The following EIF2S1 variants were observed in gnomAD, a reference collection of about 807,000 sequenced individuals.
EIF2S1 encodes the protein eukaryotic translation initiation factor 2 subunit alpha.
In EIF2S1, 5 loss-of-function variants were observed where a neutral mutation model predicts 33.5. The ratio of observed to expected loss-of-function variants is 0.15; its 90% CI spans 0.08 to 0.31. The LOEUF is 0.31. Among genes scored for constraint, EIF2S1 ranks in the 10% least tolerant of loss-of-function variants. The probability of loss-of-function intolerance (pLI) is 1.00; values close to 1 mark genes in which losing one functional copy is unlikely to be tolerated. For missense variants in EIF2S1, 191 were observed against 384.6 expected (o/e 0.50, Z 4.21); for synonymous variants, 99 against 127.5 (o/e 0.78, Z 1.51).
intron 2 of EIF2S1, among the ~76,000 whole-genome samples, chr14:67,373,067 A>T (rs1216413212): frequency 6.6e-6 from 1 of 152,210 alleles, no homozygotes; most frequent in African/African-American, 2.4e-5. Flanking sequence ...GAGCAGTTCT[A>T]ACTGCTCCAC....
rs901197668 is a variant in EIF2S1 at position 67,360,354 on chromosome 14, C to A, written c.-104C>A. The A allele has an allele frequency of 2.5e-6, 1 of 397,100 alleles. No individual in the cohort carries two copies. The highest frequency in any genetic ancestry group is 4.4e-6 in the Non-Finnish European group (1 of 225,410). The allele number at this position is 397,100 out of a possible 1,614,324, so 24.6% of individuals were successfully genotyped here. A position where few individuals can be genotyped will look rare whatever the true frequency, so the allele number is the denominator to read the frequency against. On this transcript the variant is annotated 5_prime_UTR_variant, in exon 1 of 8. Transcript: ENST00000256383. Reference sequence around the variant, plus strand: ...TGCGCGGTGGAGTGAGCGAAGCGCACGCTGAGGAGGATCGGCGGCCGGTGA... The same window carrying A: ...TGCGCGGTGGAGTGAGCGAAGCGCAAGCTGAGGAGGATCGGCGGCCGGTGA...
At chr14:67,373,529 C>G (rs1353067397) in intron 2 of EIF2S1, among the ~76,000 whole-genome samples, 1 of 152,222 alleles carries the variant, frequency 6.6e-6, no homozygotes, top group Non-Finnish European at 1.5e-5. Flanking sequence ...AAAAACACCA[C>G]AGACATGCTG....
chr14:67,376,084 A>G (rs1271701599), intron 3 of EIF2S1, among the ~76,000 whole-genome samples: 1 of 152,212 alleles, frequency 6.6e-6, no homozygotes, highest in African/African-American at 2.4e-5. Flanking sequence ...CTCCTCAGGG[A>G]GTAATAATAA....
At chr14:67,376,361 T>G in intron 3 of EIF2S1, 78 bp from the exon 4 acceptor site, 1 of 1,340,622 alleles carries the variant, frequency 7.5e-7, no homozygotes, top group Non-Finnish European at 1.0e-6. Flanking sequence ...AGCCAAATTA[T>G]GTTATTTACT....
At chr14:67,371,904 T>C (rs1054628949) in intron 2 of EIF2S1, among the ~76,000 whole-genome samples, 2 of 152,180 alleles carry the variant, frequency 1.3e-5, no homozygotes, top group Non-Finnish European at 2.9e-5. Context: ...AATCCAACAA[T>C]GTATAAAAAG....
rs541791101 is a variant in EIF2S1 at position 67,379,654 on chromosome 14, C to CTTTTTTTT, written c.474-994_474-987dup. Among the ~76,000 whole-genome samples the CTTTTTTTT allele has an allele frequency of 1.2e-3, 145 of 119,928 alleles. 5 individuals carry two copies. The highest frequency in any genetic ancestry group is 1.5e-3 in the Non-Finnish European group (94 of 62,004). 78.7% of individuals were successfully genotyped at this position (119,928 alleles called of 152,430 possible). A position where few individuals can be genotyped will look rare whatever the true frequency, so the allele number is the denominator to read the frequency against. On this transcript the variant is annotated intron_variant, in intron 4 of 7. Transcript: ENST00000256383. ...GACATAACTTTCTTTTTTTCTTTTT[C>CTTTTTTTT]TTTTTTTTTTTTTTTTTTGAGACGG...
intron 4 of EIF2S1, among the ~76,000 whole-genome samples, chr14:67,378,018 A>G (rs2085866428): frequency 6.6e-6 from 1 of 151,760 alleles, no homozygotes; most frequent in Non-Finnish European, 1.5e-5. Context: ...TGGGAGGCTG[A>G]GGCAGGAGGA....
chr14:67,366,311 A>G lies in EIF2S1; in HGVS notation c.241+1303A>G, dbSNP rs548434784. ...GCTAGTCTTGAACTGGGCTCAAGCG[A>G]TTCTCCTGCCTTGGCCTCACAAAGT... On this transcript the variant is annotated intron_variant, in intron 2 of 7. Transcript: ENST00000256383. Among the ~76,000 whole-genome samples, 227 of 152,216 alleles carry G rather than the reference A, an allele frequency of 1.5e-3. 4 individuals are homozygous for G. The highest frequency in any genetic ancestry group is 1.9e-4 in the East Asian group (1 of 5,184).
At chr14:67,364,049 G>A (rs932124837) in intron 1 of EIF2S1, 3 of 152,140 alleles carry the variant, frequency 2.0e-5, no homozygotes, top group Non-Finnish European at 4.4e-5. Flanking sequence ...AGAGAAACTT[G>A]AACTTTGTAG....
intron 4 of EIF2S1, among the ~76,000 whole-genome samples, chr14:67,378,963 G>A (rs1262222801): frequency 1.3e-5 from 2 of 152,048 alleles, no homozygotes; most frequent in Non-Finnish European, 2.9e-5. Flanking sequence ...TATTTAAAAT[G>A]TAACCTATTG....
In EIF2S1 at chr14:67,384,644, A is replaced by G. The variant is rs2085909331; in HGVS notation, c.*1204A>G. 2 of 152,226 alleles carry G rather than the reference A, an allele frequency of 1.3e-5. No homozygotes were observed. Among genetic ancestry groups the G allele is most frequent in the African/African-American group, 2.4e-5 (1 of 41,462 alleles). 9.4% of individuals were successfully genotyped at this position (152,226 alleles called of 1,614,324 possible). A position where few individuals can be genotyped will look rare whatever the true frequency, so the allele number is the denominator to read the frequency against. On this transcript the variant is annotated 3_prime_UTR_variant, in exon 8 of 8. Transcript: ENST00000256383. ...TCAATCCAAGACTAGACTACTCAATATTAAAGGGTCTGGAAAATAGAAGAG... is the reference window on the plus strand; with the variant it reads ...TCAATCCAAGACTAGACTACTCAATGTTAAAGGGTCTGGAAAATAGAAGAG...
chr14:67,386,264 A>ACAT lies in EIF2S1; in HGVS notation c.*2825_*2827dup, dbSNP rs1173021043. The ACAT allele has an allele frequency of 6.5e-6, 1 of 152,676 alleles. No homozygotes were observed. The highest frequency in any genetic ancestry group is 1.5e-5 in the Non-Finnish European group (1 of 68,040). The allele number at this position is 152,676 out of a possible 1,614,324, so 9.5% of individuals were successfully genotyped here. A position where few individuals can be genotyped will look rare whatever the true frequency, so the allele number is the denominator to read the frequency against. On this transcript the variant is annotated 3_prime_UTR_variant, in exon 8 of 8. Transcript: ENST00000256383. ...TCTTACCATATAAGGAATAAGTAAAACATTAGCTTGTGATTTCTCATTATT... is the reference window on the plus strand; with the variant it reads ...TCTTACCATATAAGGAATAAGTAAAACATCATTAGCTTGTGATTTCTCATTATT...
intron 6 of EIF2S1, 107 bp downstream of exon 6, chr14:67,381,797 T>A: frequency 1.3e-6 from 1 of 796,064 alleles, no homozygotes; most frequent in Non-Finnish European, 2.0e-6. Context: ...ATAACAAAAG[T>A]GGGTTTTTTA....
intron 2 of EIF2S1, among the ~76,000 whole-genome samples, chr14:67,374,228 C>CT (rs1354893017): frequency 1.3e-5 from 2 of 152,128 alleles, no homozygotes; most frequent in Admixed American, 6.6e-5. Flanking sequence ...TCGGGATGCT[C>CT]TAACTAGTAA....
intron 2 of EIF2S1, among the ~76,000 whole-genome samples, chr14:67,365,336 C>T (rs1282819797): frequency 6.6e-6 from 1 of 152,138 alleles, no homozygotes; most frequent in Non-Finnish European, 1.5e-5. Context: ...CATTGGTAGG[C>T]CTGAATATGT....
intron 1 of EIF2S1, chr14:67,363,893 A>G (rs1417444776): frequency 6.6e-6 from 1 of 152,228 alleles, no homozygotes; most frequent in East Asian, 1.9e-4. Flanking sequence ...ATCATCAGCC[A>G]TGATTAGTTT....
In EIF2S1 at chr14:67,382,435, T is replaced by C; in HGVS notation, c.679-12T>C. 1 of 1,606,158 alleles carries C rather than the reference T, an allele frequency of 6.2e-7. No individual in the cohort carries two copies. The highest frequency in any genetic ancestry group is 8.5e-7 in the Non-Finnish European group (1 of 1,176,636). The stretch of plus-strand genomic sequence containing the variant: ...GTACATTCATAAATGAATTTTTGTC[T>C]TTCTCTTTTAGATTAATCTAATAGC... On this transcript the variant is annotated splice_polypyrimidine_tract_variant and intron_variant, in intron 6 of 7. Transcript: ENST00000256383.
At chr14:67,378,314 CTTTTTTTTTTT>C (rs34487632) in intron 4 of EIF2S1, among the ~76,000 whole-genome samples, 1 of 107,630 alleles carries the variant, frequency 9.3e-6, no homozygotes, top group Admixed American at 9.6e-5. Flanking sequence ...TCTCATGTGA[CTTTTTTTTTTT>C]TTTTTTTTTT....
chr14:67,374,709 G>T, intron 3 of EIF2S1, 162 bp downstream of exon 3: 1 of 445,024 alleles, frequency 2.2e-6, no homozygotes, highest in East Asian at 3.4e-5. Flanking sequence ...TAAATTAACT[G>T]TGGGTGACTT....
Sources: gnomAD v4.1 joint callset for allele counts (sites outside exome capture counted in the v4.1 genomes callset) on GRCh38, gnomAD v4.1.1 for gene constraint, MANE v1.5 for transcripts, NCBI Gene and HGNC (gene_info 2026-07-23, HGNC 2026-07-21) for gene names.